Variants in DAPK2 observed in about 807,000 individuals in gnomAD.
The protein encoded by DAPK2 is death-associated protein kinase 2.
In DAPK2, 35 loss-of-function variants were observed where a neutral mutation model predicts 44.1. The ratio of observed to expected loss-of-function variants is 0.79; its 90% CI spans 0.61 to 1.05. DAPK2 has a LOEUF of 1.05. Among genes scored for constraint, DAPK2 ranks in the 50% least tolerant of loss-of-function variants. The pLI, the probability that DAPK2 is intolerant of heterozygous loss-of-function variation, is 0.00. For synonymous variants in DAPK2, 174 were observed against 182.6 expected, an observed-to-expected ratio of 0.95 and a Z score of 0.38; for missense variants, 453 against 483.2, an observed-to-expected ratio of 0.94 and a Z score of 0.59.
chr15:63,941,541 C>A (rs1323200451), intron 3 of DAPK2, among the ~76,000 whole-genome samples: 2 of 152,202 alleles, frequency 1.3e-5, no homozygotes, highest in Non-Finnish European at 1.5e-5. Context: ...TCTCCCAGGT[C>A]CCCCTGGCTG....
intron 1 of DAPK2, among the ~76,000 whole-genome samples, chr15:64,010,203 T>C (rs2141016432): frequency 6.6e-6 from 1 of 152,242 alleles, no homozygotes; most frequent in Non-Finnish European, 1.5e-5. Context: ...GCATCTGTGG[T>C]TTGATAAGCC....
chr15:63,967,129 G>A (rs974524294), intron 3 of DAPK2, among the ~76,000 whole-genome samples: 7 of 152,044 alleles, frequency 4.6e-5, no homozygotes, highest in African/African-American at 1.4e-4. Flanking sequence ...GCAGTGAGCC[G>A]AGATTGCACC....
chr15:63,986,587 A>C (rs1439601385), intron 1 of DAPK2, among the ~76,000 whole-genome samples: 1 of 152,012 alleles, frequency 6.6e-6, no homozygotes, highest in Non-Finnish European at 1.5e-5. Flanking sequence ...CACACCACCC[A>C]GCTTCAGTTT....
intron 3 of DAPK2, among the ~76,000 whole-genome samples, chr15:63,944,172 G>A (rs2077390298): frequency 1.3e-5 from 2 of 152,166 alleles, no homozygotes; most frequent in African/African-American, 2.4e-5. Context: ...TGAAGCCTGG[G>A]GGTTTCAGGC....
intron 4 of DAPK2, among the ~76,000 whole-genome samples, chr15:63,936,544 G>C (rs1321310456): frequency 2.0e-5 from 3 of 152,216 alleles, no homozygotes; most frequent in Non-Finnish European, 4.4e-5. Flanking sequence ...CCAGGAGGCG[G>C]AGGTTGCAGT....
At chr15:64,026,678 C>T (rs2079856746) in intron 1 of DAPK2, among the ~76,000 whole-genome samples, 1 of 152,214 alleles carries the variant, frequency 6.6e-6, no homozygotes, top group Non-Finnish European at 1.5e-5. Context: ...CAGAAAACTT[C>T]CTGAGAAAAT....
chr15:64,041,094 G>C (rs1225450038), upstream of DAPK2, among the ~76,000 whole-genome samples: 1 of 152,074 alleles, frequency 6.6e-6, no homozygotes, highest in Non-Finnish European at 1.5e-5. Context: ...AAAGGTAAGG[G>C]ATTATCATGA....
chr15:64,024,704 C>T (rs2079787916), intron 1 of DAPK2, among the ~76,000 whole-genome samples: 1 of 152,172 alleles, frequency 6.6e-6, no homozygotes, highest in Non-Finnish European at 1.5e-5. Context: ...CCCCTCTGCC[C>T]AGTCCATCTT....
intron 1 of DAPK2, among the ~76,000 whole-genome samples, chr15:64,008,517 G>A (rs2079299801): frequency 6.6e-6 from 1 of 152,204 alleles, no homozygotes; most frequent in South Asian, 2.1e-4. Flanking sequence ...TAGTTTCATA[G>A]ACAAGAAAAA....
intron 3 of DAPK2, among the ~76,000 whole-genome samples, chr15:63,962,329 C>A (rs1422611501): frequency 6.6e-6 from 1 of 152,224 alleles, no homozygotes; most frequent in African/African-American, 2.4e-5. Context: ...TACCGATCGT[C>A]TGAAGCCTTC....
At chr15:63,914,629 C>T (rs150879866) in intron 8 of DAPK2, among the ~76,000 whole-genome samples, 240 of 152,288 alleles carry the variant, frequency 1.6e-3, no homozygotes, top group African/African-American at 5.3e-3. Flanking sequence ...TACATCCCCA[C>T]GAGCTCATGG....
chr15:63,987,155 C>T (rs2078688867), intron 1 of DAPK2, among the ~76,000 whole-genome samples: 3 of 152,150 alleles, frequency 2.0e-5, no homozygotes, highest in Admixed American at 2.0e-4. Context: ...CAGGCACTCC[C>T]TGGCCACTGT....
intron 1 of DAPK2, among the ~76,000 whole-genome samples, chr15:64,025,907 C>T (rs894083385): frequency 6.6e-6 from 1 of 152,204 alleles, no homozygotes; most frequent in African/African-American, 2.4e-5. Context: ...TCTCTATCAT[C>T]AAATTGATTG....
At chr15:63,993,271 G>A (rs994539859) in intron 1 of DAPK2, among the ~76,000 whole-genome samples, 8 of 152,222 alleles carry the variant, frequency 5.3e-5, no homozygotes, top group Admixed American at 5.2e-4. Context: ...CCAAGAAGGG[G>A]CTTGAATAGT....
intron 3 of DAPK2, among the ~76,000 whole-genome samples, chr15:63,942,662 A>G (rs1458074633): frequency 6.6e-6 from 1 of 151,724 alleles, no homozygotes; most frequent in East Asian, 1.9e-4. Flanking sequence ...GCCCCACCCC[A>G]AGCACCTAAC....
At chr15:64,042,002 GA>G (rs1328309299), upstream of DAPK2, among the ~76,000 whole-genome samples, 1 of 152,162 alleles carries the variant, frequency 6.6e-6, no homozygotes, top group Admixed American at 6.5e-5. This position sits in a 1 kb window ranked among gnomAD's most constrained non-coding sequence, Gnocchi z 4.7. Flanking sequence ...ATGAAATAGT[GA>G]AAAGAGTAGG....
intron 1 of DAPK2, among the ~76,000 whole-genome samples, chr15:64,036,920 G>T (rs567478945): frequency 4.4e-4 from 67 of 152,244 alleles, no homozygotes; most frequent in African/African-American, 1.5e-3. Context: ...TCTGTTCACT[G>T]TTGAAGGCCA....
chr15:63,942,253 T>C (rs2077328978), intron 3 of DAPK2: 1 of 985,362 alleles, frequency 1.0e-6, no homozygotes, highest in Non-Finnish European at 1.2e-6. Flanking sequence ...CACTGGTCTA[T>C]AAGAACCTCA....
chr15:64,005,446 A>G (rs2079200526), intron 1 of DAPK2, among the ~76,000 whole-genome samples: 1 of 151,500 alleles, frequency 6.6e-6, no homozygotes, highest in South Asian at 2.1e-4. Flanking sequence ...CAAGAATATC[A>G]TGTGCAGTTC....
Sources: gnomAD v4.1 joint callset for allele counts (sites outside exome capture counted in the v4.1 genomes callset) on GRCh38, gnomAD v4.1.1 for gene constraint, Gnocchi (gnomAD v3.1) non-coding constraint, MANE v1.5 for transcripts, NCBI Gene and HGNC (gene_info 2026-07-23, HGNC 2026-07-21) for gene names.